CDH3: variants seen among roughly 807,000 people sequenced by gnomAD.
CDH3 encodes the protein cadherin 3.
In CDH3, 54 loss-of-function variants were observed where a neutral mutation model predicts 82.0. The ratio of observed to expected loss-of-function variants is 0.66; its 90% CI spans 0.53 to 0.83. CDH3 has a LOEUF of 0.83. Ranked by LOEUF, CDH3 falls within the 40% of genes least tolerant of loss-of-function variation. The probability of loss-of-function intolerance (pLI) is 0.00; values close to 1 mark genes in which losing one functional copy is unlikely to be tolerated. For synonymous variants in CDH3, 446 were observed against 437.9 expected (o/e 1.02, Z -0.23); for missense variants, 1,054 against 1,084.6 (o/e 0.97, Z 0.40).
chr16:68,673,493 A>T (rs1960945673), intron 2 of CDH3, among the ~76,000 whole-genome samples: 1 of 148,860 alleles, frequency 6.7e-6, no homozygotes, highest in African/African-American at 2.5e-5. Flanking sequence ...TTTCTTAGAG[A>T]AAAGGGTCTT....
At position 68,645,627 on chromosome 16, in the gene CDH3, C is replaced by G; in HGVS notation, c.46-9C>G. ...CCCAGCCTCCTTCACTCTCTGCCCT[C>G]GGGCGCAGGTTTGCTGGCTGCAGTG... On this transcript the variant is annotated splice_polypyrimidine_tract_variant and intron_variant, in intron 1 of 15. Transcript: ENST00000264012. The G allele has an allele frequency of 2.6e-6, 4 of 1,539,850 alleles. No individual in the cohort carries two copies. The highest frequency in any genetic ancestry group is 2.1e-4 in the Middle Eastern group (1 of 4,666).
At position 68,679,969 on chromosome 16, in the gene CDH3, C is replaced by G. The variant is rs1025096353; in HGVS notation, c.862C>G (p.Arg288Gly). 1 of 1,614,022 alleles carries G rather than the reference C, an allele frequency of 6.2e-7. No homozygotes were observed. The highest frequency in any genetic ancestry group is 1.1e-5 in the South Asian group (1 of 91,074). Residue 288 changes from arginine to glycine, a missense_variant, in exon 7 of 16, where the codon CGG becomes GGG. Arg to Gly is a moderately radical substitution (Grantham distance 125). Transcript: ENST00000264012. ...CAGCGTCATCTCCAGTGGCCTGGAC[C>G]GGGAAGTGAGTGGCCCTTAGGGAAA... ...TISVISSGLD[R>G]EKVPEYTLTI...
intron 11 of CDH3, among the ~76,000 whole-genome samples, chr16:68,686,088 G>C (rs1961403279): frequency 6.6e-6 from 1 of 152,222 alleles, no homozygotes; most frequent in South Asian, 2.1e-4. Flanking sequence ...GGCTGAGGCA[G>C]GTGGATCACC....
chr16:68,691,101 G>C (rs574351782), intron 12 of CDH3, among the ~76,000 whole-genome samples: 3 of 150,298 alleles, frequency 2.0e-5, no homozygotes, highest in Non-Finnish European at 3.0e-5. Flanking sequence ...CACCTCCCAG[G>C]TTCAAGTGAT....
downstream of CDH3, among the ~76,000 whole-genome samples, chr16:68,703,993 A>G (rs1416873112): frequency 1.3e-5 from 2 of 151,462 alleles, no homozygotes; most frequent in Non-Finnish European, 2.9e-5. Context: ...GGCGAGTAAA[A>G]GAGTTAATAT....
intron 1 of CDH3, among the ~76,000 whole-genome samples, chr16:68,716,660 C>A (rs796627603): frequency 6.3e-5 from 9 of 143,200 alleles, no homozygotes; most frequent in Admixed American, 1.4e-4. Flanking sequence ...AAACTGATAA[C>A]AGTAGTTGCC....
chr16:68,714,504 G>C (rs999485929), intron 1 of CDH3, among the ~76,000 whole-genome samples: 1 of 152,154 alleles, frequency 6.6e-6, no homozygotes, highest in Non-Finnish European at 1.5e-5. Context: ...TCCCCAGGAA[G>C]CCTTCTGGAT....
downstream of CDH3, among the ~76,000 whole-genome samples, chr16:68,731,475 CACACACGTATATACACATATATATAT>C (rs1264771101): frequency 9.5e-5 from 3 of 31,746 alleles, no homozygotes; most frequent in South Asian, 1.2e-3. Context: ...TATATATACA[CACACACGTATATACACATATATATAT>C]ACACACACAC....
At chr16:68,680,111 C>T (rs1318264037) in intron 7 of CDH3, 137 bp downstream of exon 7, 1 of 818,880 alleles carries the variant, frequency 1.2e-6, no homozygotes, top group Non-Finnish European at 2.1e-6. Flanking sequence ...GGGATGGCCA[C>T]TGCTGGGTTC....
intron 2 of CDH3, among the ~76,000 whole-genome samples, chr16:68,675,222 A>G (rs1028364470): frequency 6.6e-6 from 1 of 152,232 alleles, no homozygotes; most frequent in Non-Finnish European, 1.5e-5. Context: ...ATCTGAAACT[A>G]AAAGACAGGC....
At chr16:68,696,954 T>G (rs1437233104) in intron 15 of CDH3, 1 of 151,256 alleles carries the variant, frequency 6.6e-6, no homozygotes, top group Non-Finnish European at 1.5e-5. Context: ...CGACCTCACA[T>G]GCCTCTTACA....
At position 68,698,306 on chromosome 16, in the gene CDH3, C is replaced by T; in HGVS notation, c.2396C>T (p.Ala799Val). ...TCCCTGAGCTCCCTCACCTCCTCCGCCTCCGACCAAGACCAAGATTACGAT... is the reference window on the plus strand; with the variant it reads ...TCCCTGAGCTCCCTCACCTCCTCCGTCTCCGACCAAGACCAAGATTACGAT... Reference protein sequence around the residue: ...AASLSSLTSSASDQDQDYDYL... With the variant: ...AASLSSLTSSVSDQDQDYDYL... The change falls in exon 16 of 16, where the codon GCC becomes GTC. Residue 799 changes from alanine (A) to valine (V), a missense_variant. Transcript: ENST00000264012. The T allele has an allele frequency of 6.2e-7, 1 of 1,614,258 alleles. No homozygotes were observed. The highest frequency in any genetic ancestry group is 8.5e-7 in the Non-Finnish European group (1 of 1,180,040).
chr16:68,680,232 G>A (rs561650338), intron 7 of CDH3, among the ~76,000 whole-genome samples: 12 of 152,358 alleles, frequency 7.9e-5, no homozygotes, highest in Admixed American at 7.8e-4. Context: ...GGTATTTTCT[G>A]TAGGTTTTCT....
downstream of CDH3, among the ~76,000 whole-genome samples, chr16:68,701,713 T>C (rs1349733615): frequency 6.6e-6 from 1 of 151,854 alleles, no homozygotes; most frequent in Non-Finnish European, 1.5e-5. Context: ...GCCCAGCTAT[T>C]CTTTTGTATT....
rs572179308 is a variant in CDH3 at position 68,672,085 on chromosome 16, G to A, written c.161-4300G>A. Among the ~76,000 whole-genome samples, 128 of 151,882 alleles carry A rather than the reference G, an allele frequency of 8.4e-4. 1 individual carries two copies. The East Asian group carries it at 9.6e-3, about 11-fold the overall frequency. On this transcript the variant is annotated intron_variant, in intron 2 of 15. Coordinates refer to ENST00000264012, the MANE Select transcript of CDH3 (RefSeq NM_001793.6). ...CGGGCGCCTGTAGTCCCAGCTACTC[G>A]GGAGGCTGAGGCAGGAGAATGGCGT...
rs769532037 is a variant in CDH3, at chr16:68,700,266, T to C, written c.*1866T>C. 2 of 152,256 alleles carry C rather than the reference T, an allele frequency of 1.3e-5. No individual in the cohort carries two copies. Among genetic ancestry groups the C allele is most frequent in the Non-Finnish European group, 2.9e-5 (2 of 68,044 alleles). 9.4% of individuals were successfully genotyped at this position (152,256 alleles called of 1,614,324 possible). On this transcript the variant is annotated 3_prime_UTR_variant, in exon 16 of 16. Transcript: ENST00000264012. The stretch of plus-strand genomic sequence containing the variant: ...GAAGTGAAGCTGAGGAAATTGCTGA[T>C]GTTGAAATAAACATTTCCTTCCATG...
chr16:68,676,236 C>CT, intron 2 of CDH3, 149 bp from the exon 3 acceptor site: 1 of 698,904 alleles, frequency 1.4e-6, no homozygotes. Flanking sequence ...TAGTCACACT[C>CT]CTGGTCAGAG....
intron 15 of CDH3, 133 bp downstream of exon 15, chr16:68,696,056 C>T: frequency 2.2e-6 from 2 of 920,986 alleles, no homozygotes; most frequent in Non-Finnish European, 3.4e-6. Flanking sequence ...AGCTTTTGAC[C>T]TCTGGCTTAT....
At chr16:68,701,188 C>A (rs572887773), downstream of CDH3, among the ~76,000 whole-genome samples, 1 of 152,160 alleles carries the variant, frequency 6.6e-6, no homozygotes, top group South Asian at 2.1e-4. Context: ...CCAGCCTCAA[C>A]TGGCCTCGGT....
Sources: allele counts gnomAD v4.1 joint callset (sites outside exome capture counted in the v4.1 genomes callset), GRCh38; gene constraint gnomAD v4.1.1; transcripts MANE v1.5; gene names NCBI Gene and HGNC (gene_info 2026-07-23, HGNC 2026-07-21).